Variants in ZKSCAN1 observed in about 807,000 individuals in gnomAD.
ZKSCAN1 encodes zinc finger with KRAB and SCAN domains 1, also known as zinc finger protein with KRAB and SCAN domains 1.
ZKSCAN1 carries 14 observed loss-of-function variants against 51.6 expected under a neutral mutation model. The observed-to-expected ratio is 0.27, with a 90% CI of 0.18 to 0.42. ZKSCAN1 has a LOEUF of 0.42. Ranked by LOEUF, ZKSCAN1 falls within the 10% of genes least tolerant of loss-of-function variation. ZKSCAN1 has a pLI of 1.00. For synonymous variants in ZKSCAN1, 263 were observed against 261.5 expected (o/e 1.01, Z -0.06); for missense variants, 531 against 710.0 (o/e 0.75, Z 2.86).
chr7:100,030,434 T>C (rs1239403715), intron 5 of ZKSCAN1, 59 bp downstream of exon 5: 2 of 1,565,622 alleles, frequency 1.3e-6, no homozygotes, highest in African/African-American at 2.7e-5. Context: ...GTGTGTTAGC[T>C]GTGGGATCTC....
Position 100,037,240 on chromosome 7 carries a change from A to G in ZKSCAN1, c.*3043A>G, listed in dbSNP as rs903596563. 8.1e-6 allele frequency: 8 copies of G among 985,336 alleles called. No individual in the cohort carries two copies. In the African/African-American group the frequency reaches 1.4e-4, roughly 17 times the overall value. The allele number at this position is 985,336 out of a possible 1,614,324, so 61.0% of individuals were successfully genotyped here. The stretch of plus-strand genomic sequence containing the variant: ...CAGTTGAAACATTCTACAGTTAACC[A>G]TTAGCATGCTAGTTGTCCTAATGGA... On this transcript the variant is annotated 3_prime_UTR_variant, in exon 6 of 6. Transcript: ENST00000324306.
downstream of ZKSCAN1, among the ~76,000 whole-genome samples, chr7:100,044,079 T>C (rs1310079365): frequency 1.3e-5 from 2 of 152,040 alleles, no homozygotes; most frequent in African/African-American, 2.4e-5. Context: ...TCCCAGCCCA[T>C]ATCTAATTAC....
Position 100,029,904 on chromosome 7 carries a change from T to A in ZKSCAN1, c.624T>A (p.Ser208Arg). The A allele has an allele frequency of 6.2e-7, 1 of 1,614,180 alleles. No homozygotes were observed. The highest frequency in any genetic ancestry group is 8.5e-7 in the Non-Finnish European group (1 of 1,180,022). The change falls in exon 4 of 6, where the codon AGT becomes AGA. Residue 208 changes from serine (S) to arginine (R), a missense_variant. Ser to Arg is a moderately radical substitution (Grantham distance 110). Around this residue, in one of 2 missense-constraint regions of ZKSCAN1, gnomAD observed 403 missense variants for 490.5 expected, o/e 0.82. Transcript: ENST00000324306. Reference sequence around the variant, plus strand: ...TTCCTGCACCCCCTCATGAGGGTAGTCCCAGAGACCAGGCGATGGCATCTG... The same window carrying A: ...TTCCTGCACCCCCTCATGAGGGTAGACCCAGAGACCAGGCGATGGCATCTG... ...AHIPAPPHEG[S>R]PRDQAMASAL... is the part of the protein sequence containing the mutation.
chr7:100,023,071 C>A (rs1252142248), intron 1 of ZKSCAN1, among the ~76,000 whole-genome samples: 1 of 151,856 alleles, frequency 6.6e-6, no homozygotes, highest in Non-Finnish European at 1.5e-5. Context: ...AGTGCAGTGG[C>A]GTAATCTCGG....
chr7:100,024,315 G>A lies in ZKSCAN1; in HGVS notation c.580+8G>A. The A allele has an allele frequency of 6.2e-7, 1 of 1,613,792 alleles. No individual in the cohort carries two copies. The highest frequency in any genetic ancestry group is 8.5e-7 in the Non-Finnish European group (1 of 1,179,922). On this transcript the variant is annotated splice_region_variant and intron_variant, in intron 3 of 5. Transcript: ENST00000324306. ...GCCTCTTACAGTCACGAGGTAAGAA[G>A]CAAGGTTTCATTTAGGGGAAGGGAA...
In ZKSCAN1 at chr7:100,030,261, A is replaced by G; in HGVS notation, c.685A>G (p.Ile229Val). The stretch of plus-strand genomic sequence containing the variant: ...CGTGTTATTTTAGGCAATGGTGAAG[A>G]TCGAGGACATGGCTGTGTCCCTCAT... ...FTADSQAMVK[I>V]EDMAVSLILE... The change falls in exon 5 of 6, where the codon ATC (isoleucine) becomes GTC (valine). Residue 229 changes from isoleucine to valine, a missense_variant. Coordinates refer to ENST00000324306, the MANE Select transcript of ZKSCAN1 (RefSeq NM_003439.4). The G allele has an allele frequency of 1.2e-6, 2 of 1,614,090 alleles. No individual in the cohort carries two copies. Among genetic ancestry groups the G allele is most frequent in the Non-Finnish European group, 1.7e-6 (2 of 1,180,002 alleles).
In ZKSCAN1 at chr7:100,023,662, A is replaced by G; in HGVS notation, c.156A>G (p.Pro52=). The change falls in exon 2 of 6, where the codon CCA becomes CCG. Residue 52 remains proline (P), a synonymous_variant. Coordinates refer to ENST00000324306, the MANE Select transcript of ZKSCAN1 (RefSeq NM_003439.4). ...TACAGGACACGCCTCCTCCAGACCC[A>G]GAGATATTCCGCCAACGCTTCAGGC... is the stretch of plus-strand genomic sequence containing the variant. ...STLQDTPPPD[P]EIFRQRFRRF... is the part of the protein sequence containing the mutation. 1 of 1,614,200 alleles carries G rather than the reference A, an allele frequency of 6.2e-7. No individual in the cohort carries two copies.
chr7:100,045,223 A>T (rs1190319086), downstream of ZKSCAN1, among the ~76,000 whole-genome samples: 1 of 151,300 alleles, frequency 6.6e-6, no homozygotes, highest in Non-Finnish European at 1.5e-5. Context: ...CCTGGGCAAC[A>T]TGGCGAAACC....
intron 3 of ZKSCAN1, among the ~76,000 whole-genome samples, chr7:100,028,435 G>T (rs1332680462): frequency 6.6e-6 from 1 of 152,138 alleles, no homozygotes. Context: ...GATCACTTGA[G>T]CCTGGGAGGT....
At chr7:100,031,505 T>C (rs181506758) in intron 5 of ZKSCAN1, among the ~76,000 whole-genome samples, 116 of 152,230 alleles carry the variant, frequency 7.6e-4, no homozygotes, top group Middle Eastern at 3.4e-3. Flanking sequence ...CTCAAAACCC[T>C]TGGGCTAAAG....
At chr7:100,024,364 T>C in intron 3 of ZKSCAN1, 57 bp downstream of exon 3, 1 of 1,580,492 alleles carries the variant, frequency 6.3e-7, no homozygotes, top group Non-Finnish European at 8.6e-7. Context: ...AGAGTCTTTG[T>C]GCTGCTGAGT....
In ZKSCAN1 at chr7:100,034,575, G is replaced by C. The variant is rs77488982; in HGVS notation, c.*378G>C. 4,159 of 1,002,818 alleles carry C rather than the reference G, an allele frequency of 4.1e-3. 118 individuals carry two copies. The African/African-American group carries it at 0.064, about 15-fold the overall frequency. 62.1% of individuals were successfully genotyped at this position (1,002,818 alleles called of 1,614,324 possible). On this transcript the variant is annotated 3_prime_UTR_variant, in exon 6 of 6. Coordinates refer to ENST00000324306, the MANE Select transcript of ZKSCAN1 (RefSeq NM_003439.4). ...ATTGGCTCCACGAAAGTGATACGGA[G>C]GTTAGGATGCTACTTGCTGCAAACA...
Position 100,033,037 on chromosome 7 carries a change from T to TA in ZKSCAN1, c.800-267dup, listed in dbSNP as rs897970633. 2.7e-5 allele frequency among the ~76,000 whole-genome samples: 4 copies of TA among 147,600 alleles called. No individual in the cohort carries two copies. The highest frequency in any genetic ancestry group is 7.5e-5 in the African/African-American group (3 of 40,146). On this transcript the variant is annotated intron_variant, in intron 5 of 5. Transcript: ENST00000324306. This position sits in a 1 kb window ranked among gnomAD's most constrained non-coding sequence, Gnocchi z 4.1. ...AAAAAAAAAAGTTACCCGGGCGTGGTAGCATGCACCTATAGTCCCAGCTAC... is the reference window on the plus strand; with the variant it reads ...AAAAAAAAAAGTTACCCGGGCGTGGTAAGCATGCACCTATAGTCCCAGCTAC...
At position 100,034,557 on chromosome 7, in the gene ZKSCAN1, C is replaced by G; in HGVS notation, c.*360C>G. On this transcript the variant is annotated 3_prime_UTR_variant, in exon 6 of 6. Transcript: ENST00000324306. ...AATAGTTGAAAGATCAAGATTGGCT[C>G]CACGAAAGTGATACGGAGGTTAGGA... The G allele has an allele frequency of 9.9e-7, 1 of 1,012,622 alleles. No homozygotes were observed. The highest frequency in any genetic ancestry group is 1.2e-6 in the Non-Finnish European group (1 of 847,728). The allele number at this position is 1,012,622 out of a possible 1,614,324, so 62.7% of individuals were successfully genotyped here.
chr7:100,018,752 A>T (rs932611511), intron 1 of ZKSCAN1, among the ~76,000 whole-genome samples: 2 of 152,210 alleles, frequency 1.3e-5, no homozygotes, highest in Non-Finnish European at 2.9e-5. Context: ...ACAGAAGAGT[A>T]TGTGCTCAGA....
chr7:100,027,761 AAAAACACCGGTG>A, intron 3 of ZKSCAN1, among the ~76,000 whole-genome samples: 1 of 150,090 alleles, frequency 6.7e-6, no homozygotes, highest in Non-Finnish European at 1.5e-5. Context: ...AAAAAAAAAA[AAAAACACCGGTG>A]CACCGTGATG....
At chr7:100,044,446 T>G (rs1247220462), downstream of ZKSCAN1, among the ~76,000 whole-genome samples, 1 of 151,940 alleles carries the variant, frequency 6.6e-6, no homozygotes, top group Admixed American at 6.6e-5. Flanking sequence ...GGCAGGCGGA[T>G]CACGAGGTCG....
rs780748169 is a variant in ZKSCAN1 at position 100,030,418 on chromosome 7, C to G, written c.799+43C>G. ...TTACTGTCTGATAAGATGGTTTTGT[C>G]TCTCTGTGTGTTAGCTGTGGGATCT... On this transcript the variant is annotated intron_variant, in intron 5 of 5. Coordinates refer to ENST00000324306, the MANE Select transcript of ZKSCAN1 (RefSeq NM_003439.4). The G allele has an allele frequency of 6.9e-6, 11 of 1,588,346 alleles. No individual in the cohort carries two copies. The Admixed American group carries it at 1.8e-4, about 26-fold the overall frequency.
At chr7:100,018,890 GA>G (rs1790484052) in intron 1 of ZKSCAN1, among the ~76,000 whole-genome samples, 1 of 152,202 alleles carries the variant, frequency 6.6e-6, no homozygotes, top group Non-Finnish European at 1.5e-5. Context: ...TGGGCAGAGG[GA>G]ATGTGCCCAT....
Sources: gnomAD v4.1 joint callset for allele counts (sites outside exome capture counted in the v4.1 genomes callset) on GRCh38, gnomAD v4.1.1 for gene constraint, gnomAD v4.1.1 regional missense constraint, Gnocchi (gnomAD v3.1) non-coding constraint, MANE v1.5 for transcripts, NCBI Gene and HGNC (gene_info 2026-07-23, HGNC 2026-07-21) for gene names.